Variants in NLRC3 observed in about 807,000 individuals in gnomAD.
NLRC3 encodes the protein NLR family CARD domain-containing protein 3.
NLRC3 carries 87 observed loss-of-function variants against 91.6 expected under a neutral mutation model. The ratio of observed to expected loss-of-function variants is 0.95; its 90% CI spans 0.80 to 1.14. The LOEUF (loss-of-function observed/expected upper bound fraction) is 1.14, where lower values mean the gene tolerates loss of function less well. Ranked by LOEUF, NLRC3 falls within the 50% of genes most tolerant of loss-of-function variation. The pLI is 0.00. For synonymous variants in NLRC3, 694 were observed against 625.3 expected (o/e 1.11, Z -1.64); for missense variants, 1,577 against 1,418.6 (o/e 1.11, Z -1.79).
intron 6 of NLRC3, among the ~76,000 whole-genome samples, chr16:3,561,106 C>T (rs2039588947): frequency 6.6e-6 from 1 of 151,962 alleles, no homozygotes; most frequent in East Asian, 1.9e-4. Flanking sequence ...AATCCCAGCA[C>T]TTTGGGAGGC....
In NLRC3 at chr16:3,563,448, T is replaced by C; in HGVS notation, c.1489A>G (p.Ser497Gly). Residue 497 changes from serine (S) to glycine (G), a missense_variant, in exon 5 of 20, where the codon AGC becomes GGC. Coordinates refer to ENST00000359128, the MANE Select transcript of NLRC3 (RefSeq NM_178844.4). ...PRLGFLTHFR[S>G]AAQRAMQAED... ...GCCTGCATGGCCCGCTGGGCTGCGC[T>C]CCTGAAATGCGTGAGGAAGCCCAGC... 6.3e-7 allele frequency: 1 copy of C among 1,579,724 alleles called. No individual in the cohort carries two copies. Among genetic ancestry groups the C allele is most frequent in the East Asian group, 2.3e-5 (1 of 42,960 alleles).
chr16:3,549,072 C>T (rs1369919635), intron 13 of NLRC3, 70 bp downstream of exon 13: 1 of 1,235,088 alleles, frequency 8.1e-7, no homozygotes, highest in Non-Finnish European at 1.2e-6. Context: ...GGGTGCCCGT[C>T]AGCCCAGGCT....
Position 3,564,522 on chromosome 16 carries a change from G to A in NLRC3, c.415C>T (p.Arg139Trp), listed in dbSNP as rs759964837. 1.4e-5 allele frequency: 23 copies of A among 1,612,074 alleles called. No homozygotes were observed. Among genetic ancestry groups the A allele is most frequent in the Middle Eastern group, 1.6e-4 (1 of 6,082 alleles). Residue 139 changes from arginine (R) to tryptophan (W), a missense_variant, in exon 5 of 20, where the codon CGG becomes TGG. Physicochemically the swap from Arg to Trp is moderately radical, Grantham distance 101. Coordinates refer to ENST00000359128, the MANE Select transcript of NLRC3 (RefSeq NM_178844.4). This position sits in a 1 kb window ranked among gnomAD's most constrained non-coding sequence, Gnocchi z 5.9. ...LPLSRVSVPP[R>W]VSITIGVAGM... ...GCCACCCCGATAGTGATGGAGACCCGGGGTGGGACAGACACCCGGGAGAGA... is the reference window on the plus strand; with the variant it reads ...GCCACCCCGATAGTGATGGAGACCCAGGGTGGGACAGACACCCGGGAGAGA...
At position 3,542,778 on chromosome 16, in the gene NLRC3, G is replaced by T. The variant is rs756761032; in HGVS notation, c.2940-3C>A. The T allele has an allele frequency of 2.5e-6, 4 of 1,599,356 alleles. No individual in the cohort carries two copies. Among genetic ancestry groups the T allele is most frequent in the African/African-American group, 2.7e-5 (2 of 74,706 alleles). ...CCCCAATGGCATTTCCTCTTAAGCT[G>T]TTGGGAAAGACAGGAAGCCTAAGGC... On this transcript the variant is annotated splice_polypyrimidine_tract_variant and splice_region_variant and intron_variant, in intron 17 of 19. Coordinates refer to ENST00000359128, the MANE Select transcript of NLRC3 (RefSeq NM_178844.4).
chr16:3,551,220 TCATC>T (rs1185784802), intron 10 of NLRC3, among the ~76,000 whole-genome samples: 8 of 147,990 alleles, frequency 5.4e-5, no homozygotes, highest in African/African-American at 2.0e-4. Context: ...ATCTATCCAT[TCATC>T]CATCCATCCA....
chr16:3,542,940 G>C (rs1018598696), intron 17 of NLRC3, 165 bp from the exon 18 acceptor site: 1 of 590,702 alleles, frequency 1.7e-6, no homozygotes, highest in African/African-American at 1.9e-5. Flanking sequence ...GGGCAGAGCT[G>C]GCTCTGGGAA....
At chr16:3,557,559 T>G in intron 7 of NLRC3, 34 bp downstream of exon 7, 1 of 1,413,518 alleles carries the variant, frequency 7.1e-7, no homozygotes, top group Non-Finnish European at 1.0e-6. Context: ...CTGGTTCCAA[T>G]GGCAAAAGTT....
Position 3,548,192 on chromosome 16 carries a change from C to T in NLRC3, c.2714G>A (p.Gly905Asp). Residue 905 changes from glycine to aspartate, a missense_variant, in exon 15 of 20, where the codon GGC (glycine) becomes GAC (aspartate). Physicochemically the swap from Gly to Asp is moderately conservative, Grantham distance 94 (BLOSUM62 -1). Coordinates refer to ENST00000359128, the MANE Select transcript of NLRC3 (RefSeq NM_178844.4). ...TGCTTGTCCCAGGGCCTGGGCAGCG[C>T]CGGCCTGGATGAAGTTCCACTGCAG... ...LHLQWNFIQA[G>D]AAQALGQALQ... 2 of 1,595,428 alleles carry T rather than the reference C, an allele frequency of 1.3e-6. No homozygotes were observed. Among genetic ancestry groups the T allele is most frequent in the Non-Finnish European group, 1.7e-6 (2 of 1,171,104 alleles).
rs777032173 is a variant in NLRC3 at position 3,564,504 on chromosome 16, C to T, written c.433G>A (p.Gly145Arg). The T allele has an allele frequency of 1.6e-5, 26 of 1,612,306 alleles. No homozygotes were observed. Among genetic ancestry groups the T allele is most frequent in the Admixed American group, 3.3e-5 (2 of 60,002 alleles). ...SVPPRVSITIGVAGMGKTTLV... is the reference protein window; with the variant it reads ...SVPPRVSITIRVAGMGKTTLV... ...GTGGTCTTGCCCATGCCGGCCACCC[C>T]GATAGTGATGGAGACCCGGGGTGGG... is the stretch of plus-strand genomic sequence containing the variant. Residue 145 changes from glycine (G) to arginine (R), a missense_variant, in exon 5 of 20, where the codon GGG (glycine) becomes AGG (arginine). By Grantham distance (125) the Gly-to-Arg change is moderately radical. Transcript: ENST00000359128. The surrounding 1 kb of genome is among the most constrained non-coding windows in gnomAD (Gnocchi z 5.9).
chr16:3,565,498 G>A (rs1011109265), intron 2 of NLRC3, 118 bp from the exon 3 acceptor site: 365 of 316,968 alleles, frequency 1.2e-3, no homozygotes, highest in African/African-American at 6.8e-3. Context: ...AAAAAAAAAA[G>A]GCAGCAGCAG....
Position 3,542,177 on chromosome 16 carries a change from G to A in NLRC3, c.3107+14C>T. ...GCAGTTCTAAGGGTGAGCAGGAAGGGCAGGTGCACTCACTTGATATGCTGG... is the reference window on the plus strand; with the variant it reads ...GCAGTTCTAAGGGTGAGCAGGAAGGACAGGTGCACTCACTTGATATGCTGG... On this transcript the variant is annotated intron_variant, in intron 19 of 19. Coordinates refer to ENST00000359128, the MANE Select transcript of NLRC3 (RefSeq NM_178844.4). 6.5e-7 allele frequency: 1 copy of A among 1,544,060 alleles called. No individual in the cohort carries two copies. Among genetic ancestry groups the A allele is most frequent in the African/African-American group, 1.4e-5 (1 of 73,324 alleles).
In NLRC3 at chr16:3,548,641, C is replaced by G. The variant is rs768134849; in HGVS notation, c.2687+29G>C. 2.7e-6 allele frequency: 4 copies of G among 1,489,104 alleles called. No individual in the cohort carries two copies. In the East Asian group the frequency reaches 9.7e-5, roughly 36 times the overall value. The allele number at this position is 1,489,104 out of a possible 1,614,324, so 92.2% of individuals were successfully genotyped here. A position where few individuals can be genotyped will look rare whatever the true frequency, so the allele number is the denominator to read the frequency against. ...GCCCGGCAGCTCTGCAGAAGGGGAA[C>G]AGAGCAGGGTGGAGAGCTGCAGACT... On this transcript the variant is annotated intron_variant, in intron 14 of 19. Coordinates refer to ENST00000359128, the MANE Select transcript of NLRC3 (RefSeq NM_178844.4).
intron 2 of NLRC3, among the ~76,000 whole-genome samples, chr16:3,566,150 A>G (rs1314880595): frequency 2.0e-5 from 3 of 149,140 alleles, no homozygotes; most frequent in African/African-American, 4.9e-5. Context: ...AGTATACACT[A>G]TGGACATTGG....
chr16:3,540,187 G>T lies in NLRC3; in HGVS notation c.*1638C>A, dbSNP rs1321609232. ...TAGGATATCACCTTTGTGGGGTGCC[G>T]TTTTGAGACTGCAAGGATATCATCT... On this transcript the variant is annotated 3_prime_UTR_variant, in exon 20 of 20. Coordinates refer to ENST00000359128, the MANE Select transcript of NLRC3 (RefSeq NM_178844.4). The T allele has an allele frequency of 1.3e-5, 2 of 152,186 alleles. No individual in the cohort carries two copies. Among genetic ancestry groups the T allele is most frequent in the African/African-American group, 4.8e-5 (2 of 41,438 alleles). 9.4% of individuals were successfully genotyped at this position (152,186 alleles called of 1,614,324 possible).
rs2038834140 is a variant in NLRC3 at position 3,548,759 on chromosome 16, A to C, written c.2604-6T>G. On this transcript the variant is annotated splice_region_variant and splice_polypyrimidine_tract_variant and intron_variant, in intron 13 of 19. Coordinates refer to ENST00000359128, the MANE Select transcript of NLRC3 (RefSeq NM_178844.4). ...GGAGGAGGTTGGCTGTCAGGCTAGG[A>C]GGAAGGGAACAGGAGCAAGTGAGCC... is the stretch of plus-strand genomic sequence containing the variant. 3.1e-6 allele frequency: 5 copies of C among 1,596,418 alleles called. No individual in the cohort carries two copies. In the East Asian group the frequency reaches 1.1e-4, roughly 36 times the overall value.
chr16:3,555,144 TG>T (rs773067903), intron 8 of NLRC3, among the ~76,000 whole-genome samples: 2 of 148,632 alleles, frequency 1.3e-5, no homozygotes, highest in South Asian at 4.2e-4. Context: ...ACAGGAGAAG[TG>T]CTTGAACCTG....
chr16:3,568,418 A>T (rs147733784), intron 1 of NLRC3, among the ~76,000 whole-genome samples: 204 of 152,252 alleles, frequency 1.3e-3, no homozygotes, highest in Middle Eastern at 3.4e-3. Context: ...CAAAACCAAG[A>T]GGGATAAAAA....
At chr16:3,550,911 C>A (rs1567130130) in intron 10 of NLRC3, among the ~76,000 whole-genome samples, 1 of 152,128 alleles carries the variant, frequency 6.6e-6, no homozygotes, top group Non-Finnish European at 1.5e-5. Context: ...GTCAGCTAAC[C>A]AGCACTCACA....
In NLRC3 at chr16:3,557,008, G is replaced by A. The variant is rs1320784495; in HGVS notation, c.2100-14C>T. The A allele has an allele frequency of 6.3e-7, 1 of 1,579,850 alleles. No homozygotes were observed. Among genetic ancestry groups the A allele is most frequent in the South Asian group, 1.1e-5 (1 of 90,296 alleles). On this transcript the variant is annotated splice_polypyrimidine_tract_variant and intron_variant, in intron 7 of 19. Transcript: ENST00000359128. ...TTACCGCGGAGGCTGAAGGAAGAGA[G>A]AAAGAGACACCTCCTTCATCTGTCT...
Sources: gnomAD v4.1 joint callset for allele counts (sites outside exome capture counted in the v4.1 genomes callset) on GRCh38, gnomAD v4.1.1 for gene constraint, Gnocchi (gnomAD v3.1) non-coding constraint, MANE v1.5 for transcripts, NCBI Gene and HGNC (gene_info 2026-07-23, HGNC 2026-07-21) for gene names.